The following GOSR1 variants were observed in gnomAD, a reference collection of about 807,000 sequenced individuals.
The protein encoded by GOSR1 is 28 kDa Golgi SNARE protein.
A neutral mutation model predicts 35.5 loss-of-function variants in GOSR1; 21 were observed. The ratio of observed to expected loss-of-function variants is 0.59; its 90% CI spans 0.42 to 0.85. The LOEUF is 0.85. Among genes scored for constraint, GOSR1 ranks in the 40% least tolerant of loss-of-function variants. The probability of loss-of-function intolerance (pLI) is 0.00; values close to 1 mark genes in which losing one functional copy is unlikely to be tolerated. For missense variants in GOSR1, 285 were observed against 309.6 expected, an observed-to-expected ratio of 0.92 and a Z score of 0.60; for synonymous variants, 94 against 106.6, an observed-to-expected ratio of 0.88 and a Z score of 0.73.
At chr17:30,509,044 C>T (rs8078908) in intron 6 of GOSR1, among the ~76,000 whole-genome samples, 1,917 of 152,086 alleles carry the variant, frequency 0.013, 36 homozygotes, top group African/African-American at 0.044. Flanking sequence ...GGCGCAATCT[C>T]GGCTCACTGC....
At chr17:30,494,110 G>A (rs971908314) in intron 6 of GOSR1, among the ~76,000 whole-genome samples, 5 of 151,832 alleles carry the variant, frequency 3.3e-5, no homozygotes, top group Admixed American at 6.6e-5. Context: ...TAATGTTAAT[G>A]TAATTTTTTA....
At chr17:30,504,418 A>C (rs545160485) in intron 6 of GOSR1, among the ~76,000 whole-genome samples, 1 of 152,292 alleles carries the variant, frequency 6.6e-6, no homozygotes, top group South Asian at 2.1e-4. Flanking sequence ...ATTTGAGGAT[A>C]GTTGTCAATC....
intron 6 of GOSR1, among the ~76,000 whole-genome samples, chr17:30,497,436 C>A (rs1420357935): frequency 6.6e-6 from 1 of 152,148 alleles, no homozygotes; most frequent in African/African-American, 2.4e-5. Flanking sequence ...GGTGTGGACT[C>A]TATCTTTTTG....
intron 6 of GOSR1, among the ~76,000 whole-genome samples, chr17:30,503,069 A>T (rs770584766): frequency 2.0e-5 from 3 of 152,146 alleles, no homozygotes; most frequent in African/African-American, 7.2e-5. Flanking sequence ...ATTATTTAGT[A>T]TGTACTTGCT....
intron 8 of GOSR1, 126 bp from the exon 9 acceptor site, chr17:30,522,128 G>T: frequency 2.7e-6 from 2 of 734,216 alleles, no homozygotes; most frequent in East Asian, 2.7e-5. Flanking sequence ...TTCCCTTGGT[G>T]TGAGTTTCTT....
At chr17:30,521,815 G>A (rs1350276487) in intron 8 of GOSR1, among the ~76,000 whole-genome samples, 1 of 152,184 alleles carries the variant, frequency 6.6e-6, no homozygotes, top group Non-Finnish European at 1.5e-5. Context: ...AGTCTCCTGA[G>A]AGAAGAGGAA....
At chr17:30,521,871 G>A (rs563900004) in intron 8 of GOSR1, among the ~76,000 whole-genome samples, 10 of 152,276 alleles carry the variant, frequency 6.6e-5, no homozygotes, top group South Asian at 6.2e-4. Flanking sequence ...TGGTGGTGGC[G>A]ATGGGAGCTG....
At chr17:30,511,712 G>A (rs537887377) in intron 7 of GOSR1, among the ~76,000 whole-genome samples, 2 of 151,918 alleles carry the variant, frequency 1.3e-5, no homozygotes, top group Non-Finnish European at 2.9e-5. Flanking sequence ...TGTAATTTTA[G>A]TAGTGACAGG....
chr17:30,491,209 A>G (rs1218581323), intron 5 of GOSR1, among the ~76,000 whole-genome samples: 1 of 152,232 alleles, frequency 6.6e-6, no homozygotes, highest in Non-Finnish European at 1.5e-5. Flanking sequence ...TCTTTAATGT[A>G]TAGACACTGA....
At position 30,510,722 on chromosome 17, in the gene GOSR1, A is replaced by G. The variant is rs1041683104; in HGVS notation, c.510-158A>G. ...GAGCGAGACTCTGTCTTAAAAAAGA[A>G]AAAAATTAGAGTCCAGAATTTTCTC... is the stretch of plus-strand genomic sequence containing the variant. On this transcript the variant is annotated intron_variant, in intron 6 of 8. Transcript: ENST00000451249. 15 of 509,910 alleles carry G rather than the reference A, an allele frequency of 2.9e-5. 1 individual carries two copies. The highest frequency in any genetic ancestry group is 2.5e-5 in the Non-Finnish European group (7 of 280,010). 31.6% of individuals were successfully genotyped at this position (509,910 alleles called of 1,614,324 possible).
In GOSR1 at chr17:30,481,262, A is replaced by G. The variant is rs768484222; in HGVS notation, c.146+5A>G. 6.2e-7 allele frequency: 1 copy of G among 1,601,242 alleles called. No homozygotes were observed. Among genetic ancestry groups the G allele is most frequent in the South Asian group, 1.1e-5 (1 of 90,700 alleles). ...CCGAGATGGAAGACGCGACAGGTATAGGTACTACCAGATTCTGTCTCCTAT... is the reference window on the plus strand; with the variant it reads ...CCGAGATGGAAGACGCGACAGGTATGGGTACTACCAGATTCTGTCTCCTAT... On this transcript the variant is annotated splice_donor_5th_base_variant and intron_variant, in intron 2 of 8. Transcript: ENST00000451249.
intron 1 of GOSR1, 123 bp downstream of exon 1, chr17:30,477,587 G>C: frequency 7.1e-7 from 1 of 1,407,246 alleles, no homozygotes; most frequent in Non-Finnish European, 9.5e-7. Context: ...TGAGCAGCGG[G>C]GCTTGCCTAA....
intron 4 of GOSR1, 60 bp from the exon 5 acceptor site, chr17:30,490,066 T>C (rs1383984969): frequency 2.5e-6 from 2 of 791,974 alleles, no homozygotes; most frequent in East Asian, 5.0e-5. Context: ...ACATAACTGG[T>C]TCAGTGAGAT....
chr17:30,501,558 G>A (rs761216073), intron 6 of GOSR1, among the ~76,000 whole-genome samples: 4 of 151,478 alleles, frequency 2.6e-5, no homozygotes, highest in Non-Finnish European at 5.9e-5. Flanking sequence ...GTGCAGTGGC[G>A]CGATCTCGGC....
intron 1 of GOSR1, chr17:30,479,238 T>C (rs1914169331): frequency 6.6e-6 from 1 of 152,268 alleles, no homozygotes; most frequent in Non-Finnish European, 1.5e-5. Flanking sequence ...GAGATTCTTA[T>C]ACCATTACCT....
rs752716965 is a variant in GOSR1, at chr17:30,484,767, G to A, written c.339G>A (p.Leu113=). The A allele has an allele frequency of 3.4e-5, 52 of 1,514,778 alleles. No individual in the cohort carries two copies. In the Middle Eastern group the frequency reaches 5.1e-4, roughly 15 times the overall value. The allele number at this position is 1,514,778 out of a possible 1,614,324, so 93.8% of individuals were successfully genotyped here. The part of the protein sequence containing the change: ...MHTLQRHRDI[L]QDYTHEFHKT... The stretch of plus-strand genomic sequence containing the variant: ...CATTACAGCGGCATAGAGACATATT[G>A]CAGGTAATATATTGGGCTCGAGATG... The change falls in exon 4 of 9, where the codon TTG becomes TTA. Residue 113 remains leucine, a synonymous_variant. Coordinates refer to ENST00000451249, the MANE Select transcript of GOSR1 (RefSeq NM_001007025.2).
rs1454603082 is a variant in GOSR1 at position 30,524,262 on chromosome 17, CATAATG to C, written c.*1886_*1891del. On this transcript the variant is annotated 3_prime_UTR_variant, in exon 9 of 9. Coordinates refer to ENST00000451249, the MANE Select transcript of GOSR1 (RefSeq NM_001007025.2). ...AATTCTTGTCCTCTTATTTTACACT[CATAATG>C]AGAAATCACAAGTTCTTTCTTGATG... 6.6e-6 allele frequency: 1 copy of C among 152,150 alleles called. No individual in the cohort carries two copies. Among genetic ancestry groups the C allele is most frequent in the East Asian group, 1.9e-4 (1 of 5,198 alleles). The allele number at this position is 152,150 out of a possible 1,614,324, so 9.4% of individuals were successfully genotyped here. A position where few individuals can be genotyped will look rare whatever the true frequency, so the allele number is the denominator to read the frequency against.
chr17:30,524,525 T>A lies in GOSR1; in HGVS notation c.*2147T>A, dbSNP rs1968150759. On this transcript the variant is annotated 3_prime_UTR_variant, in exon 9 of 9. Coordinates refer to ENST00000451249, the MANE Select transcript of GOSR1 (RefSeq NM_001007025.2). ...GACAGTCTTATATTTAAGGCACCAG[T>A]CATTGTTTCCATTTTTTTTTTAATT... is the stretch of plus-strand genomic sequence containing the variant. 7.7e-6 allele frequency: 1 copy of A among 130,066 alleles called. No homozygotes were observed. Among genetic ancestry groups the A allele is most frequent in the South Asian group, 2.6e-4 (1 of 3,870 alleles). The allele number at this position is 130,066 out of a possible 1,614,324, so 8.1% of individuals were successfully genotyped here.
intron 7 of GOSR1, among the ~76,000 whole-genome samples, chr17:30,512,254 A>T (rs144214699): frequency 1.3e-5 from 2 of 152,358 alleles, no homozygotes; most frequent in Non-Finnish European, 2.9e-5. Context: ...ACTGTTAAGG[A>T]TAATGTGAGG....
Sources: allele counts gnomAD v4.1 joint callset (sites outside exome capture counted in the v4.1 genomes callset), GRCh38; gene constraint gnomAD v4.1.1; transcripts MANE v1.5; gene names NCBI Gene and HGNC (gene_info 2026-07-23, HGNC 2026-07-21).